The following IQSEC1 variants were observed in gnomAD, a reference collection of about 807,000 sequenced individuals.
IQSEC1 encodes IQ motif and SEC7 domain-containing protein 1.
In IQSEC1, 31 loss-of-function variants were observed where a neutral mutation model predicts 91.0. The observed-to-expected ratio is 0.34, with a 90% confidence interval of 0.26 to 0.46. IQSEC1 has a LOEUF of 0.46. Among genes scored for constraint, IQSEC1 ranks in the 20% least tolerant of loss-of-function variants. IQSEC1 has a pLI of 1.00. For synonymous variants in IQSEC1, 699 were observed against 662.6 expected, an observed-to-expected ratio of 1.05 and a Z score of -0.84; for missense variants, 1,388 against 1,575.6, an observed-to-expected ratio of 0.88 and a Z score of 2.02.
chr3:12,899,646 A>G lies in IQSEC1; in HGVS notation c.*1337T>C, dbSNP rs550254734. 1.0e-4 allele frequency: 100 copies of G among 985,128 alleles called. No homozygotes were observed. In the African/African-American group the frequency reaches 1.4e-3, roughly 14 times the overall value. 61.0% of individuals were successfully genotyped at this position (985,128 alleles called of 1,614,324 possible). On this transcript the variant is annotated 3_prime_UTR_variant, in exon 14 of 14. Coordinates refer to ENST00000613206, the MANE Select transcript of IQSEC1 (RefSeq NM_001134382.3). ...GTCACACGGGCCACGGTGAGGACAC[A>G]GGGGTTCTGCTAGCACATGGCTACA...
chr3:13,229,959 T>C (rs888474638), intron 1 of IQSEC1, among the ~76,000 whole-genome samples: 13 of 152,190 alleles, frequency 8.5e-5, no homozygotes, highest in South Asian at 4.1e-4. Flanking sequence ...ATGCATAAAA[T>C]ATACAGAAGA....
At chr3:12,904,222 A>T (rs1488001214) in intron 12 of IQSEC1, among the ~76,000 whole-genome samples, 1 of 152,142 alleles carries the variant, frequency 6.6e-6, no homozygotes, top group Non-Finnish European at 1.5e-5. Flanking sequence ...GCATCACAGC[A>T]CAGACTCAGG....
At chr3:12,929,961 A>T (rs898805092) in intron 3 of IQSEC1, among the ~76,000 whole-genome samples, 3 of 152,344 alleles carry the variant, frequency 2.0e-5, no homozygotes, top group Admixed American at 2.0e-4. Flanking sequence ...TGTGACAGGT[A>T]AGCACAGACT....
chr3:13,159,827 C>G (rs956375577), intron 2 of IQSEC1, among the ~76,000 whole-genome samples: 1 of 152,138 alleles, frequency 6.6e-6, no homozygotes. Context: ...GCAGAAAGCC[C>G]TGGCACTTTC....
chr3:13,013,270 T>C (rs62242719), intron 1 of IQSEC1, among the ~76,000 whole-genome samples: 14,704 of 152,218 alleles, frequency 0.097, 979 homozygotes, highest in Non-Finnish European at 0.15. Context: ...GCCCGGCTGA[T>C]AGCCACTTCA....
In IQSEC1 at chr3:13,193,399, G is replaced by T. The variant is rs1032929609; in HGVS notation, c.273-29266C>A. Among the ~76,000 whole-genome samples, 5 of 152,238 alleles carry T rather than the reference G, an allele frequency of 3.3e-5. No homozygotes were observed. Among genetic ancestry groups the T allele is most frequent in the African/African-American group, 1.2e-4 (5 of 41,460 alleles). ...GTGAGTTTTAAACTAGGAAGGTAAA[G>T]ATCAGAGGTGGCTTGGAAAGAGCTC... On this transcript the variant is annotated intron_variant, in intron 1 of 15. Transcript: ENST00000648114. The surrounding 1 kb of genome is among the most constrained non-coding windows in gnomAD (Gnocchi z 4.2).
At chr3:13,233,595 C>G (rs1190424472) in intron 1 of IQSEC1, among the ~76,000 whole-genome samples, 2 of 152,346 alleles carry the variant, frequency 1.3e-5, no homozygotes, top group East Asian at 1.9e-4. Context: ...CCAGCCTCCC[C>G]ACCCAGCTCG....
intron 1 of IQSEC1, among the ~76,000 whole-genome samples, chr3:12,990,495 GCCAGGGTTAC>G (rs2125625935): frequency 6.6e-6 from 1 of 152,312 alleles, no homozygotes; most frequent in African/African-American, 2.4e-5. Flanking sequence ...AATGACGCAG[GCCAGGGTTAC>G]CTTCTAAAAA....
At chr3:13,109,617 C>T (rs1559256835) in intron 2 of IQSEC1, among the ~76,000 whole-genome samples, 1 of 151,908 alleles carries the variant, frequency 6.6e-6, no homozygotes, top group Non-Finnish European at 1.5e-5. Context: ...TGGCAAGATC[C>T]GGTCATTTAG....
Position 12,901,269 on chromosome 3 carries a change from G to A in IQSEC1, c.3059C>T (p.Pro1020Leu), listed in dbSNP as rs537355221. ...GTGATGCCCGTGCATGGCGGCCTGCGGCAGCCCCTCTGGGGGCCCCAGGTG... is the reference window on the plus strand; with the variant it reads ...GTGATGCCCGTGCATGGCGGCCTGCAGCAGCCCCTCTGGGGGCCCCAGGTG... ...GHHLGPPEGL[P>L]QAAMHGHHTQ... The change falls in exon 14 of 14, where the codon CCG becomes CTG. Residue 1020 changes from proline to leucine, a missense_variant. This residue lies in a region of IQSEC1 where 329 missense variants were observed against 257.8 expected (regional missense o/e 1.28). Coordinates refer to ENST00000613206, the MANE Select transcript of IQSEC1 (RefSeq NM_001134382.3). 1.0e-3 allele frequency: 1,597 copies of A among 1,548,754 alleles called. 4 individuals carry two copies. The highest frequency in any genetic ancestry group is 1.2e-3 in the Non-Finnish European group (1,405 of 1,146,670).
chr3:13,190,667 T>C (rs1262087280), intron 1 of IQSEC1, among the ~76,000 whole-genome samples: 1 of 152,216 alleles, frequency 6.6e-6, no homozygotes, highest in Non-Finnish European at 1.5e-5. Context: ...TGTCTGATCA[T>C]TCATGCCATT....
chr3:13,011,299 G>C (rs1200541622), intron 1 of IQSEC1, among the ~76,000 whole-genome samples: 2 of 152,170 alleles, frequency 1.3e-5, no homozygotes, highest in African/African-American at 4.8e-5. Flanking sequence ...CAAGACAATG[G>C]ATGCAAAAAT....
chr3:13,054,031 C>T (rs780665145), intron 1 of IQSEC1, among the ~76,000 whole-genome samples: 6 of 152,268 alleles, frequency 3.9e-5, no homozygotes, highest in Middle Eastern at 3.4e-3. Context: ...CACTTCGCAC[C>T]GTCTCTCGAG....
chr3:13,120,541 A>C (rs1706406594), intron 2 of IQSEC1, among the ~76,000 whole-genome samples: 1 of 152,162 alleles, frequency 6.6e-6, no homozygotes, highest in Non-Finnish European at 1.5e-5. Flanking sequence ...GATTAGTGTT[A>C]ATTCTTCCTC....
At chr3:13,097,089 T>C (rs945514498) in intron 2 of IQSEC1, among the ~76,000 whole-genome samples, 2 of 152,140 alleles carry the variant, frequency 1.3e-5, no homozygotes, top group Non-Finnish European at 2.9e-5. Context: ...CTCAATCTCC[T>C]GACCTCGTGA....
chr3:13,063,713 C>A (rs955823674), intron 1 of IQSEC1, among the ~76,000 whole-genome samples: 12 of 152,366 alleles, frequency 7.9e-5, no homozygotes, highest in African/African-American at 2.9e-4. Flanking sequence ...CCCCAGCTGG[C>A]AGCAAAAGGG....
chr3:13,173,596 G>C (rs1273164955), intron 1 of IQSEC1, among the ~76,000 whole-genome samples: 1 of 152,202 alleles, frequency 6.6e-6, no homozygotes, highest in Non-Finnish European at 1.5e-5. Context: ...GACAATCCCA[G>C]AGGGCTTGTC....
At chr3:13,242,039 G>A (rs950419887) in intron 1 of IQSEC1, among the ~76,000 whole-genome samples, 3 of 152,292 alleles carry the variant, frequency 2.0e-5, no homozygotes, top group African/African-American at 7.2e-5. Context: ...GTGTGTATGT[G>A]TGCATATATA....
intron 1 of IQSEC1, among the ~76,000 whole-genome samples, chr3:13,030,990 C>T (rs1032461581): frequency 1.1e-4 from 17 of 152,256 alleles, no homozygotes; most frequent in African/African-American, 3.9e-4. Flanking sequence ...GCCCTGAATA[C>T]ATTTATTTTA....
Sources: allele counts gnomAD v4.1 joint callset (sites outside exome capture counted in the v4.1 genomes callset), GRCh38; gene constraint gnomAD v4.1.1; regional missense constraint gnomAD v4.1.1; non-coding constraint Gnocchi (gnomAD v3.1); transcripts MANE v1.5; gene names NCBI Gene and HGNC (gene_info 2026-07-23, HGNC 2026-07-21).